The following ANKRD6 variants were observed in gnomAD, a reference collection of about 807,000 sequenced individuals.
ANKRD6 encodes ankyrin repeat domain-containing protein 6.
In ANKRD6, 56 loss-of-function variants were observed where a neutral mutation model predicts 82.3. The ratio of observed to expected loss-of-function variants is 0.68; its 90% CI spans 0.55 to 0.85. The LOEUF is 0.85. Ranked by LOEUF, ANKRD6 falls within the 40% of genes least tolerant of loss-of-function variation. The probability of loss-of-function intolerance (pLI) is 0.00; values close to 1 mark genes in which losing one functional copy is unlikely to be tolerated. For synonymous variants in ANKRD6, 347 were observed against 352.1 expected (o/e 0.99, Z 0.16); for missense variants, 852 against 907.6 (o/e 0.94, Z 0.79).
At chr6:89,595,832 C>T in intron 2 of ANKRD6, 84 bp from the exon 3 acceptor site, 3 of 1,114,228 alleles carry the variant, frequency 2.7e-6, no homozygotes, top group Admixed American at 4.0e-5. Context: ...AGCCCCTGTG[C>T]AAACCTTGCT....
chr6:89,477,989 C>T (rs1259499192), intron 1 of ANKRD6, among the ~76,000 whole-genome samples: 2 of 152,102 alleles, frequency 1.3e-5, no homozygotes, highest in African/African-American at 4.8e-5. Flanking sequence ...TCTCTGTCCT[C>T]AAATTCATAT....
At chr6:89,517,315 T>A (rs906448426) in intron 1 of ANKRD6, among the ~76,000 whole-genome samples, 5 of 152,276 alleles carry the variant, frequency 3.3e-5, no homozygotes, top group African/African-American at 1.2e-4. Context: ...GTTTCTAGAT[T>A]TTAATTGCTA....
In ANKRD6 at chr6:89,630,695, G is replaced by A. The variant is rs769991549; in HGVS notation, c.1875G>A (p.Lys625=). The A allele has an allele frequency of 6.2e-7, 1 of 1,613,976 alleles. No homozygotes were observed. The highest frequency in any genetic ancestry group is 1.1e-5 in the South Asian group (1 of 91,082). ...GCACTCAAACTAAGAAGTCTGGGAA[G>A]AGTGGGCCAACAAGGCATCGTGCCC... ...NRGTQTKKSG[K]SGPTRHRAQQ... is the part of the protein sequence containing the mutation. Residue 625 remains lysine, a synonymous_variant, in exon 16 of 16, where the codon AAG becomes AAA. Coordinates refer to ENST00000339746, the MANE Select transcript of ANKRD6 (RefSeq NM_001242809.2).
chr6:89,544,613 C>G (rs538022172), intron 1 of ANKRD6, among the ~76,000 whole-genome samples: 1 of 152,188 alleles, frequency 6.6e-6, no homozygotes, highest in Non-Finnish European at 1.5e-5. Flanking sequence ...ACTCAGGAGG[C>G]TGATGCAGGA....
intron 1 of ANKRD6, among the ~76,000 whole-genome samples, chr6:89,483,824 A>G (rs920193272): frequency 1.3e-5 from 2 of 152,170 alleles, no homozygotes; most frequent in Non-Finnish European, 2.9e-5. Flanking sequence ...GGTTCAAAGG[A>G]CTTTTTGAAT....
chr6:89,531,055 T>C (rs1783079639), intron 1 of ANKRD6, among the ~76,000 whole-genome samples: 1 of 152,208 alleles, frequency 6.6e-6, no homozygotes, highest in Non-Finnish European at 1.5e-5. Context: ...TTAGGAGTTG[T>C]AAGTAAAGGA....
chr6:89,628,681 A>G (rs906215198), intron 14 of ANKRD6: 14 of 206,088 alleles, frequency 6.8e-5, no homozygotes, highest in African/African-American at 3.1e-4. Flanking sequence ...GAGGCAGGAG[A>G]ATGGCGTGAA....
intron 1 of ANKRD6, among the ~76,000 whole-genome samples, chr6:89,516,952 T>C (rs371348603): frequency 4.6e-5 from 7 of 152,328 alleles, no homozygotes; most frequent in Admixed American, 3.3e-4. Flanking sequence ...TACTGCAGCT[T>C]TGATATCCCT....
At chr6:89,602,980 G>T (rs910768957) in intron 3 of ANKRD6, 49 bp from the exon 4 acceptor site, 7 of 1,473,288 alleles carry the variant, frequency 4.8e-6, no homozygotes, top group Admixed American at 1.9e-5. Context: ...GTGCAAGCAG[G>T]GGGTGCAGGG....
At chr6:89,542,580 G>A (rs550715795) in intron 1 of ANKRD6, among the ~76,000 whole-genome samples, 3 of 152,176 alleles carry the variant, frequency 2.0e-5, no homozygotes, top group South Asian at 2.1e-4. Flanking sequence ...AAAAGTCCTC[G>A]TACCTGATTC....
chr6:89,611,171 ATT>A (rs55967563), intron 5 of ANKRD6, among the ~76,000 whole-genome samples: 26,970 of 147,452 alleles, frequency 0.18, 2,646 homozygotes, highest in South Asian at 0.3. Flanking sequence ...GTATTCCTCT[ATT>A]TTTTTTTTTT....
intron 15 of ANKRD6, 78 bp downstream of exon 15, chr6:89,629,316 A>G (rs1453150707): frequency 6.3e-7 from 1 of 1,586,532 alleles, no homozygotes; most frequent in Non-Finnish European, 8.6e-7. Context: ...ACTGAAAGGC[A>G]GTACGTATGC....
rs560074705 is a variant in ANKRD6 at position 89,513,801 on chromosome 6, CAAAG to C, written c.-143-53031_-143-53028del. On this transcript the variant is annotated intron_variant, in intron 1 of 15. Transcript: ENST00000339746. ...TGGCAGTGAGCTTCACAGAGACACA[CAAAG>C]AGAGAGCAAAGTGAAGAACAAGGCA... Among the ~76,000 whole-genome samples the C allele has an allele frequency of 2.3e-3, 353 of 152,248 alleles. 1 individual carries two copies. Among genetic ancestry groups the C allele is most frequent in the African/African-American group, 8.2e-3 (342 of 41,542 alleles).
chr6:89,591,739 G>A (rs1262329562), intron 2 of ANKRD6, among the ~76,000 whole-genome samples: 1 of 152,238 alleles, frequency 6.6e-6, no homozygotes, highest in Non-Finnish European at 1.5e-5. Context: ...GGTAGGTGGT[G>A]TGTGTTTAAG....
At position 89,603,098 on chromosome 6, in the gene ANKRD6, G is replaced by A. The variant is rs1466073879; in HGVS notation, c.289G>A (p.Glu97Lys). 6.8e-6 allele frequency: 11 copies of A among 1,606,888 alleles called. No homozygotes were observed. The highest frequency in any genetic ancestry group is 1.3e-5 in the African/African-American group (1 of 74,806). The change falls in exon 4 of 16, where the codon GAA becomes AAA. Residue 97 changes from glutamate (E) to lysine (K), a missense_variant. Coordinates refer to ENST00000339746, the MANE Select transcript of ANKRD6 (RefSeq NM_001242809.2). ...GGAGATCATCGCGGCGCTCATCCAC[G>A]AAGGGTGTGCCCTGGACAGACAAGA... ...NTEIIAALIH[E>K]GCALDRQDKD... is the part of the protein sequence containing the mutation.
Position 89,631,925 on chromosome 6 carries a change from C to G in ANKRD6, c.*921C>G, listed in dbSNP as rs904190933. 1 of 152,198 alleles carries G rather than the reference C, an allele frequency of 6.6e-6. No homozygotes were observed. Among genetic ancestry groups the G allele is most frequent in the African/African-American group, 2.4e-5 (1 of 41,448 alleles). 9.4% of individuals were successfully genotyped at this position (152,198 alleles called of 1,614,324 possible). On this transcript the variant is annotated 3_prime_UTR_variant, in exon 16 of 16. Coordinates refer to ENST00000339746, the MANE Select transcript of ANKRD6 (RefSeq NM_001242809.2). ...TGAATTCTGTCATTAACCTCAAAAG[C>G]TTTCTACTGCTTTGCGGTGAAGGCA... is the stretch of plus-strand genomic sequence containing the variant.
chr6:89,471,986 G>A (rs1045708108), intron 1 of ANKRD6, among the ~76,000 whole-genome samples: 6 of 142,288 alleles, frequency 4.2e-5, no homozygotes, highest in Non-Finnish European at 7.7e-5. Flanking sequence ...AAGGAGGAGA[G>A]AAAGTGAAGT....
At position 89,474,909 on chromosome 6, in the gene ANKRD6, G is replaced by A. The variant is rs139453815; in HGVS notation, c.-144+41534G>A. Among the ~76,000 whole-genome samples the A allele has an allele frequency of 5.0e-3, 757 of 152,250 alleles. 2 individuals carry two copies. The highest frequency in any genetic ancestry group is 0.018 in the African/African-American group (728 of 41,540). ...TAGTGTAGTAGTGGATTCTTGGTAC[G>A]GTTATAAGCTGTTCTAGACAGTGCG... On this transcript the variant is annotated intron_variant, in intron 1 of 15. Transcript: ENST00000339746.
At chr6:89,541,650 C>T (rs1298402575) in intron 1 of ANKRD6, among the ~76,000 whole-genome samples, 2 of 151,778 alleles carry the variant, frequency 1.3e-5, no homozygotes, top group African/African-American at 4.8e-5. Context: ...CCTCGGCCCC[C>T]CAGTATGTGT....
Sources: allele counts gnomAD v4.1 joint callset (sites outside exome capture counted in the v4.1 genomes callset), GRCh38; gene constraint gnomAD v4.1.1; transcripts MANE v1.5; gene names NCBI Gene and HGNC (gene_info 2026-07-23, HGNC 2026-07-21).